The following USP37 variants were observed in gnomAD, a reference collection of about 807,000 sequenced individuals.
The protein encoded by USP37 is ubiquitin carboxyl-terminal hydrolase 37.
A neutral mutation model predicts 124.0 loss-of-function variants in USP37; 27 were observed. The observed-to-expected ratio is 0.22, with a 90% CI of 0.16 to 0.30. USP37 has a LOEUF of 0.30. USP37 is among the 10% of genes least tolerant of loss of function. The pLI, the probability that USP37 is intolerant of heterozygous loss-of-function variation, is 1.00. For missense variants in USP37, 889 were observed against 1,140.4 expected (o/e 0.78, Z 3.17); for synonymous variants, 365 against 388.0 (o/e 0.94, Z 0.70).
chr2:218,490,902 C>G (rs930647606), intron 14 of USP37, among the ~76,000 whole-genome samples: 1 of 152,186 alleles, frequency 6.6e-6, no homozygotes, highest in Non-Finnish European at 1.5e-5. Context: ...GAGACAGGCT[C>G]TTGCTCTGTT....
In USP37 at chr2:218,558,649, G is replaced by A; in HGVS notation, c.5C>T (p.Ser2Phe). The A allele has an allele frequency of 1.9e-6, 3 of 1,589,810 alleles. No homozygotes were observed. The South Asian group carries it at 3.5e-5, about 18-fold the overall frequency. The part of the protein sequence containing the change: M[S>F]PLKIHGPIRI... ...GATAGGACCATGTATCTTCAGAGGA[G>A]ACATATTTTCTTTAAAAATTGCTTC... The change falls in exon 4 of 26, where the codon TCT becomes TTT. Residue 2 changes from serine to phenylalanine, a missense_variant. Around this residue, in one of 3 missense-constraint regions of USP37, gnomAD observed 374 missense variants for 386.0 expected, o/e 0.97. Transcript: ENST00000258399.
At chr2:218,490,981 C>G (rs776095180) in intron 14 of USP37, among the ~76,000 whole-genome samples, 47 of 152,324 alleles carry the variant, frequency 3.1e-4, no homozygotes, top group Non-Finnish European at 5.0e-4. Context: ...TCAAGCAATC[C>G]TCCCACCTTA....
chr2:218,498,274 A>G (rs543841062), intron 11 of USP37, 117 bp from the exon 12 acceptor site: 3 of 1,079,606 alleles, frequency 2.8e-6, no homozygotes, highest in Non-Finnish European at 3.8e-6. Context: ...GTTAAACTAC[A>G]TATTACTACA....
chr2:218,463,472 C>A, intron 21 of USP37, 106 bp from the exon 22 acceptor site: 17 of 821,542 alleles, frequency 2.1e-5, no homozygotes, highest in Middle Eastern at 3.7e-4. Flanking sequence ...AGAATGCTTT[C>A]TATAACCTTA....
At chr2:218,487,266 T>C (rs976503679) in intron 15 of USP37, among the ~76,000 whole-genome samples, 8 of 152,240 alleles carry the variant, frequency 5.3e-5, no homozygotes, top group African/African-American at 1.9e-4. Context: ...TTCCTGTTTC[T>C]AATAGGGTAC....
At chr2:218,498,264 GT>G in intron 11 of USP37, 107 bp from the exon 12 acceptor site, 1 of 1,193,034 alleles carries the variant, frequency 8.4e-7, no homozygotes, top group Non-Finnish European at 1.1e-6. Context: ...TGGAGGGCTT[GT>G]TAAACTACAT....
chr2:218,488,750 C>T (rs1256498012), intron 14 of USP37, among the ~76,000 whole-genome samples: 1 of 152,116 alleles, frequency 6.6e-6, no homozygotes, highest in Non-Finnish European at 1.5e-5. Context: ...ATTCTCCTGC[C>T]TCAGGCTCGC....
intron 20 of USP37, chr2:218,473,277 A>G (rs1574851745): frequency 6.6e-6 from 1 of 152,240 alleles, no homozygotes; most frequent in Non-Finnish European, 1.5e-5. Context: ...CAGGAAATAA[A>G]TCAGGAAGGG....
At position 218,507,859 on chromosome 2, in the gene USP37, C is replaced by T. The variant is rs186487868; in HGVS notation, c.1025+2120G>A. On this transcript the variant is annotated intron_variant, in intron 11 of 25. Transcript: ENST00000258399. ...TATTCTGGTACCACTGACATTCAAG[C>T]CTCTTCCCTATAACTAGTTCTGCAA... 5.3e-5 allele frequency among the ~76,000 whole-genome samples: 8 copies of T among 151,292 alleles called. No homozygotes were observed. In the East Asian group the frequency reaches 1.5e-3, roughly 29 times the overall value.
At chr2:218,517,681 C>T (rs1289723683) in intron 10 of USP37, among the ~76,000 whole-genome samples, 1 of 152,108 alleles carries the variant, frequency 6.6e-6, no homozygotes, top group Non-Finnish European at 1.5e-5. Flanking sequence ...TATGACATGC[C>T]TAAGGGTAGG....
At chr2:218,499,947 T>C (rs1486601961) in intron 11 of USP37, among the ~76,000 whole-genome samples, 1 of 152,130 alleles carries the variant, frequency 6.6e-6, no homozygotes, top group Non-Finnish European at 1.5e-5. Flanking sequence ...ATTTTTTAAT[T>C]TTTGTAGAGA....
intron 10 of USP37, chr2:218,514,188 T>C (rs561593655): frequency 6.6e-6 from 1 of 152,126 alleles, no homozygotes; most frequent in African/African-American, 2.4e-5. Context: ...TATTAGAATC[T>C]TATATAACCA....
At chr2:218,513,423 A>C (rs186292827) in intron 10 of USP37, among the ~76,000 whole-genome samples, 1 of 152,220 alleles carries the variant, frequency 6.6e-6, no homozygotes, top group Admixed American at 6.5e-5. Context: ...TAAAATGCAC[A>C]CATTTAAAGT....
chr2:218,462,882 T>G (rs982873936), intron 22 of USP37, among the ~76,000 whole-genome samples: 3 of 152,018 alleles, frequency 2.0e-5, no homozygotes, highest in Non-Finnish European at 4.4e-5. Flanking sequence ...GTATTCAAAT[T>G]TGTTATCAAA....
chr2:218,450,635 C>T lies in USP37; in HGVS notation c.*4295G>A, dbSNP rs566180370. The stretch of plus-strand genomic sequence containing the variant: ...CCTGGGGACAAGAGGTGTGCACACC[C>T]ACATGTGGTCTCACTCTTCACACAG... On this transcript the variant is annotated 3_prime_UTR_variant, in exon 26 of 26. Transcript: ENST00000258399. The T allele has an allele frequency of 6.6e-6, 1 of 152,584 alleles. No homozygotes were observed. Among genetic ancestry groups the T allele is most frequent in the South Asian group, 2.1e-4 (1 of 4,832 alleles). The allele number at this position is 152,584 out of a possible 1,614,324, so 9.5% of individuals were successfully genotyped here.
At chr2:218,485,566 A>G in intron 16 of USP37, 98 bp downstream of exon 16, 2 of 1,297,334 alleles carry the variant, frequency 1.5e-6, no homozygotes, top group Non-Finnish European at 2.1e-6. Flanking sequence ...ATTCAGTAAT[A>G]TTTGTATGAA....
At chr2:218,457,302 C>T (rs1284903822) in intron 23 of USP37, 141 bp from the exon 24 acceptor site, 2 of 742,106 alleles carry the variant, frequency 2.7e-6, no homozygotes, top group East Asian at 2.8e-5. Context: ...TCTGTTCATA[C>T]CCTTTGACCC....
chr2:218,532,466 C>CAA (rs35277725), intron 9 of USP37, among the ~76,000 whole-genome samples: 135 of 115,308 alleles, frequency 1.2e-3, no homozygotes, highest in South Asian at 0.011. Context: ...GACTCTGTCT[C>CAA]AAAAAAAAAA....
At chr2:218,498,881 C>G (rs1297981764) in intron 11 of USP37, among the ~76,000 whole-genome samples, 1 of 152,102 alleles carries the variant, frequency 6.6e-6, no homozygotes, top group Non-Finnish European at 1.5e-5. Flanking sequence ...ATAACTTATT[C>G]ATTTCTCTGA....
Sources: allele counts gnomAD v4.1 joint callset (sites outside exome capture counted in the v4.1 genomes callset), GRCh38; gene constraint gnomAD v4.1.1; regional missense constraint gnomAD v4.1.1; transcripts MANE v1.5; gene names NCBI Gene and HGNC (gene_info 2026-07-23, HGNC 2026-07-21).